Variants in CILK1 observed in about 807,000 individuals in gnomAD.
CILK1 encodes serine/threonine-protein kinase ICK.
CILK1 carries 47 observed loss-of-function variants against 79.2 expected under a neutral mutation model. The observed-to-expected ratio is 0.59, with a 90% CI of 0.47 to 0.76. CILK1 has a LOEUF of 0.76. Ranked by LOEUF, CILK1 falls within the 30% of genes least tolerant of loss-of-function variation. CILK1 has a pLI of 0.00. For synonymous variants in CILK1, 266 were observed against 275.9 expected (o/e 0.96, Z 0.36); for missense variants, 660 against 769.5 (o/e 0.86, Z 1.68).
intron 5 of CILK1, among the ~76,000 whole-genome samples, chr6:53,022,889 C>T (rs151208961): frequency 1.3e-5 from 2 of 152,202 alleles, no homozygotes; most frequent in Non-Finnish European, 2.9e-5. Context: ...ATAATAGGCC[C>T]TCCCCTCTAA....
chr6:53,032,410 TAAAATAA>T lies in CILK1; in HGVS notation c.278+116_278+122del, dbSNP rs567644728. 5.7e-4 allele frequency: 221 copies of T among 387,322 alleles called. 2 individuals carry two copies. The South Asian group carries it at 0.013, about 23-fold the overall frequency. 24.0% of individuals were successfully genotyped at this position (387,322 alleles called of 1,614,324 possible). On this transcript the variant is annotated intron_variant, in intron 4 of 13. Transcript: ENST00000676107. Reference sequence around the variant, plus strand: ...AACTTAAAGTATAATAATAATAAAATAAAATAAAAAATAAAAAATAAAAAAAGAAAAA... The same window carrying T: ...AACTTAAAGTATAATAATAATAAAATAAAATAAAAAATAAAAAAAGAAAAA...
At chr6:53,055,340 T>C (rs1388280205) in intron 1 of CILK1, among the ~76,000 whole-genome samples, 1 of 152,258 alleles carries the variant, frequency 6.6e-6, no homozygotes, top group East Asian at 1.9e-4. Context: ...AGAAATAGTA[T>C]ATCCGGGTTT....
rs1036415836 is a variant in CILK1 at position 53,044,461 on chromosome 6, A to T, written c.-172-3053T>A. On this transcript the variant is annotated intron_variant, in intron 1 of 13. Coordinates refer to ENST00000676107, the MANE Select transcript of CILK1 (RefSeq NM_014920.5). ...AGTTGTAGTTACTGTCCTGTGATTC[A>T]GTAAGAATATAGTTTCATTCTTGGG... Among the ~76,000 whole-genome samples, 106 of 152,228 alleles carry T rather than the reference A, an allele frequency of 7.0e-4. 1 individual carries two copies. Among genetic ancestry groups the T allele is most frequent in the Non-Finnish European group, 2.8e-4 (19 of 68,032 alleles).
At chr6:53,048,584 G>T (rs1274313441) in intron 1 of CILK1, among the ~76,000 whole-genome samples, 2 of 152,174 alleles carry the variant, frequency 1.3e-5, no homozygotes, top group East Asian at 1.9e-4. Context: ...CAAATATGAT[G>T]AGTCACCTCA....
intron 1 of CILK1, among the ~76,000 whole-genome samples, chr6:53,046,037 T>C (rs933807690): frequency 1.3e-5 from 2 of 152,242 alleles, no homozygotes; most frequent in African/African-American, 4.8e-5. Flanking sequence ...AAATTTCTTC[T>C]GCCTAGTTTT....
At chr6:53,026,822 C>T (rs538679175) in intron 5 of CILK1, among the ~76,000 whole-genome samples, 67 of 152,334 alleles carry the variant, frequency 4.4e-4, no homozygotes, top group African/African-American at 1.6e-3. Context: ...AACTGTTTGA[C>T]TTCCAGAAGA....
At chr6:53,008,169 T>A (rs1470466200) in intron 12 of CILK1, among the ~76,000 whole-genome samples, 1 of 151,224 alleles carries the variant, frequency 6.6e-6, no homozygotes, top group Non-Finnish European at 1.5e-5. Flanking sequence ...AGTTATGGTG[T>A]TGTATAGATA....
intron 1 of CILK1, among the ~76,000 whole-genome samples, chr6:53,049,312 T>G (rs994487810): frequency 2.6e-5 from 4 of 152,230 alleles, no homozygotes; most frequent in African/African-American, 9.6e-5. Context: ...AGGTGACAGA[T>G]AGACCTTTAT....
At chr6:53,038,436 ATTAAAT>A (rs1766497596) in intron 2 of CILK1, among the ~76,000 whole-genome samples, 1 of 152,300 alleles carries the variant, frequency 6.6e-6, no homozygotes, top group African/African-American at 2.4e-5. Flanking sequence ...TTTAATTTTA[ATTAAAT>A]TTAAATTTAA....
Position 53,016,115 on chromosome 6 carries a change from A to G in CILK1, c.799T>C (p.Trp267Arg). Reference sequence around the variant, plus strand: ...GCTGTTGGTCGTTTCTTGGGATCCCACTGAAGCATGTCTCTCAGGAGCTGG... The same window carrying G: ...GCTGTTGGTCGTTTCTTGGGATCCCGCTGAAGCATGTCTCTCAGGAGCTGG... ...AVQLLRDMLQ[W>R]DPKKRPTASQ... is the part of the protein sequence containing the mutation. The change falls in exon 8 of 14, where the codon TGG (tryptophan) becomes CGG (arginine). Residue 267 changes from tryptophan (W) to arginine (R), a missense_variant. Physicochemically the swap from Trp to Arg is moderately radical, Grantham distance 101 (BLOSUM62 -3). Transcript: ENST00000676107. The G allele has an allele frequency of 6.2e-7, 1 of 1,614,140 alleles. No individual in the cohort carries two copies. The highest frequency in any genetic ancestry group is 8.5e-7 in the Non-Finnish European group (1 of 1,179,962).
intron 5 of CILK1, among the ~76,000 whole-genome samples, chr6:53,021,375 A>C (rs572070145): frequency 1.3e-5 from 2 of 151,956 alleles, no homozygotes; most frequent in African/African-American, 2.4e-5. Flanking sequence ...GTCTCTTTCT[A>C]CTTTCTCACT....
chr6:53,029,424 C>T (rs533414347), intron 5 of CILK1, among the ~76,000 whole-genome samples: 1 of 152,362 alleles, frequency 6.6e-6, no homozygotes, highest in African/African-American at 2.4e-5. Context: ...CACAATTTGA[C>T]TCAGTCTTGC....
rs1766046025 is a variant in CILK1 at position 53,032,639 on chromosome 6, T to C, written c.172A>G (p.Asn58Asp). ...LREVKSLKKL[N>D]HANVVKLKEV... ...TTTAATTTGACTACATTGGCATGGTTGAGCTTCTTTAAAGACTAAAAGGCA... is the reference window on the plus strand; with the variant it reads ...TTTAATTTGACTACATTGGCATGGTCGAGCTTCTTTAAAGACTAAAAGGCA... Residue 58 changes from asparagine (N) to aspartate (D), a missense_variant, in exon 4 of 14, where the codon AAC becomes GAC. Coordinates refer to ENST00000676107, the MANE Select transcript of CILK1 (RefSeq NM_014920.5). 6.2e-7 allele frequency: 1 copy of C among 1,605,372 alleles called. No homozygotes were observed. Among genetic ancestry groups the C allele is most frequent in the Admixed American group, 1.7e-5 (1 of 59,732 alleles).
At chr6:53,046,815 C>G (rs1055359131) in intron 1 of CILK1, among the ~76,000 whole-genome samples, 1 of 152,164 alleles carries the variant, frequency 6.6e-6, no homozygotes, top group Non-Finnish European at 1.5e-5. Context: ...AATGTAGAAA[C>G]TGCTATGAGA....
chr6:53,037,703 ACTT>A (rs1335571505), intron 3 of CILK1, among the ~76,000 whole-genome samples: 3 of 152,230 alleles, frequency 2.0e-5, no homozygotes, highest in South Asian at 4.1e-4. Flanking sequence ...AACACATTCA[ACTT>A]CTTTATATTG....
Position 53,012,042 on chromosome 6 carries a change from G to C in CILK1, c.1338C>G (p.Leu446=). 6.2e-7 allele frequency: 1 copy of C among 1,614,018 alleles called. No homozygotes were observed. The highest frequency in any genetic ancestry group is 8.5e-7 in the Non-Finnish European group (1 of 1,179,840). The change falls in exon 10 of 14, where the codon CTC becomes CTG. Residue 446 remains leucine (L), a synonymous_variant. Coordinates refer to ENST00000676107, the MANE Select transcript of CILK1 (RefSeq NM_014920.5). Reference sequence around the variant, plus strand: ...AATGTGAGCAGCACACTTGCCTGCAGAGAGTGTCATCACTCTGTCTTTTCT... The same window carrying C: ...AATGTGAGCAGCACACTTGCCTGCACAGAGTGTCATCACTCTGTCTTTTCT... ...KNKKRQSDDT[L]CRFESVLDLK... is the part of the protein sequence containing the mutation.
In CILK1 at chr6:53,016,247, C is replaced by T; in HGVS notation, c.667G>A (p.Asp223Asn). Residue 223 changes from aspartate to asparagine, a missense_variant, in exon 8 of 14, where the codon GAC (aspartate) becomes AAC (asparagine). Asp to Asn is a conservative substitution (Grantham distance 23, BLOSUM62 1). Coordinates refer to ENST00000676107, the MANE Select transcript of CILK1 (RefSeq NM_014920.5). ...GAAAGTTGATAGCCTTCAGGCCAGT[C>T]AGTCTGAAAGAAGGAAAAGATAGAA... ...CQVLGTPKKTDWPEGYQLSSA... is the reference protein window; with the variant it reads ...CQVLGTPKKTNWPEGYQLSSA... The T allele has an allele frequency of 3.1e-6, 5 of 1,613,952 alleles. No homozygotes were observed. Among genetic ancestry groups the T allele is most frequent in the Non-Finnish European group, 4.2e-6 (5 of 1,179,896 alleles).
intron 11 of CILK1, among the ~76,000 whole-genome samples, chr6:53,010,410 T>C (rs1238437659): frequency 1.3e-5 from 2 of 152,210 alleles, no homozygotes; most frequent in Non-Finnish European, 2.9e-5. Context: ...GGATGACAGC[T>C]ACAGCTTGCT....
rs1339034732 is a variant in CILK1, at chr6:53,016,260, G to A, written c.664-10C>T. 6.2e-7 allele frequency: 1 copy of A among 1,613,770 alleles called. No individual in the cohort carries two copies. The highest frequency in any genetic ancestry group is 8.5e-7 in the Non-Finnish European group (1 of 1,179,824). On this transcript the variant is annotated splice_polypyrimidine_tract_variant and intron_variant, in intron 7 of 13. Coordinates refer to ENST00000676107, the MANE Select transcript of CILK1 (RefSeq NM_014920.5). ...CTTCAGGCCAGTCAGTCTGAAAGAA[G>A]GAAAAGATAGAAAATCTTGCTCAGC...
Sources: allele counts gnomAD v4.1 joint callset (sites outside exome capture counted in the v4.1 genomes callset), GRCh38; gene constraint gnomAD v4.1.1; transcripts MANE v1.5; gene names NCBI Gene and HGNC (gene_info 2026-07-23, HGNC 2026-07-21).